The following UBE2E2 variants were observed in gnomAD, a reference collection of about 807,000 sequenced individuals.
UBE2E2 encodes the protein ubiquitin-conjugating enzyme E2 E2.
UBE2E2 carries 6 observed loss-of-function variants against 24.7 expected under a neutral mutation model. The observed-to-expected ratio is 0.24, with a 90% CI of 0.13 to 0.48. The LOEUF (loss-of-function observed/expected upper bound fraction) is 0.48. UBE2E2 is among the 20% of genes least tolerant of loss of function. The probability of loss-of-function intolerance (pLI) is 0.99; values close to 1 mark genes in which losing one functional copy is unlikely to be tolerated. For synonymous variants in UBE2E2, 104 were observed against 83.6 expected (o/e 1.24, Z -1.33); for missense variants, 169 against 245.0 (o/e 0.69, Z 2.07).
At chr3:23,351,886 A>G (rs905945499) in intron 3 of UBE2E2, among the ~76,000 whole-genome samples, 3 of 152,202 alleles carry the variant, frequency 2.0e-5, no homozygotes, top group Admixed American at 1.3e-4. Flanking sequence ...AAGCGACCTA[A>G]TAGACATCTA....
At chr3:23,432,717 T>C (rs1413304165) in intron 3 of UBE2E2, among the ~76,000 whole-genome samples, 1 of 152,030 alleles carries the variant, frequency 6.6e-6, no homozygotes, top group African/African-American at 2.4e-5. Flanking sequence ...ATTGAACTTT[T>C]GAAAGAACTT....
chr3:23,331,397 G>A (rs1425111068), intron 3 of UBE2E2, among the ~76,000 whole-genome samples: 2 of 150,938 alleles, frequency 1.3e-5, no homozygotes, highest in Non-Finnish European at 1.5e-5. Flanking sequence ...AGTGGAGGAA[G>A]AAGAAAATGA....
intron 3 of UBE2E2, among the ~76,000 whole-genome samples, chr3:23,389,181 TAAA>T (rs754553602): frequency 1.7e-4 from 26 of 152,102 alleles, no homozygotes; most frequent in Non-Finnish European, 2.9e-4. Flanking sequence ...TTGTCATAAA[TAAA>T]AAGAGTATCA....
chr3:23,563,913 T>G (rs1325455334), intron 5 of UBE2E2, among the ~76,000 whole-genome samples: 1 of 151,772 alleles, frequency 6.6e-6, no homozygotes, highest in Non-Finnish European at 1.5e-5. Context: ...TCCTGTTACC[T>G]CTGACAAGAT....
At chr3:23,278,968 A>G (rs1698428382) in intron 3 of UBE2E2, among the ~76,000 whole-genome samples, 1 of 152,152 alleles carries the variant, frequency 6.6e-6, no homozygotes, top group Admixed American at 6.5e-5. Context: ...TGATAATTTT[A>G]AAAGGATACT....
At chr3:23,285,230 A>G (rs1575531729) in intron 3 of UBE2E2, among the ~76,000 whole-genome samples, 1 of 152,154 alleles carries the variant, frequency 6.6e-6, no homozygotes, top group Non-Finnish European at 1.5e-5. Context: ...TTTATGGCTG[A>G]ATAGTATTCC....
At chr3:23,233,619 G>T (rs1697026148) in intron 3 of UBE2E2, among the ~76,000 whole-genome samples, 1 of 152,092 alleles carries the variant, frequency 6.6e-6, no homozygotes, top group Admixed American at 6.6e-5. Flanking sequence ...ACATGGCTTG[G>T]ATGATCTCCA....
At chr3:23,321,873 A>G (rs1035885473) in intron 3 of UBE2E2, among the ~76,000 whole-genome samples, 2 of 151,814 alleles carry the variant, frequency 1.3e-5, no homozygotes, top group Non-Finnish European at 1.5e-5. Flanking sequence ...ACCGTTTTTA[A>G]AAGCACCACC....
intron 5 of UBE2E2, among the ~76,000 whole-genome samples, chr3:23,577,399 C>A (rs1326727324): frequency 6.6e-6 from 1 of 151,532 alleles, no homozygotes; most frequent in African/African-American, 2.4e-5. Context: ...ACAGTCAGAC[C>A]AGCTACAACA....
intron 3 of UBE2E2, among the ~76,000 whole-genome samples, chr3:23,243,716 A>G (rs1248783881): frequency 6.6e-6 from 1 of 151,608 alleles, no homozygotes; most frequent in Non-Finnish European, 1.5e-5. Context: ...GTATTTTAAA[A>G]ATCTGAAATC....
intron 3 of UBE2E2, among the ~76,000 whole-genome samples, chr3:23,401,130 T>C (rs1697212249): frequency 6.6e-6 from 1 of 152,154 alleles, no homozygotes; most frequent in African/African-American, 2.4e-5. Context: ...TTACTGTCTC[T>C]GGGAAGAACA....
chr3:23,589,857 G>A lies in UBE2E2; in HGVS notation c.*26G>A, dbSNP rs1319071589. The stretch of plus-strand genomic sequence containing the variant: ...GGGCCTGCTGCCTGCCGCCCCGCGG[G>A]ACCTGTGCAAGCACATTCACCAAGT... On this transcript the variant is annotated 3_prime_UTR_variant, in exon 6 of 6. Transcript: ENST00000396703. The surrounding 1 kb of genome is among the most constrained non-coding windows in gnomAD (Gnocchi z 4.1). The A allele has an allele frequency of 3.1e-6, 5 of 1,612,510 alleles. No individual in the cohort carries two copies. The highest frequency in any genetic ancestry group is 1.3e-5 in the African/African-American group (1 of 74,914).
At chr3:23,330,408 G>A (rs4858502) in intron 3 of UBE2E2, among the ~76,000 whole-genome samples, 46,409 of 152,100 alleles carry the variant, frequency 0.31, 8,000 homozygotes, top group Admixed American at 0.49. Flanking sequence ...AGTAAACTTA[G>A]TCTACGTTGC....
chr3:23,412,708 T>C lies in UBE2E2; in HGVS notation c.228-86900T>C, dbSNP rs138306218. ...CCTTTATTCAAGTACACTGACAACA[T>C]ACTTTAGTGCAGTGGTTCTCAAGGT... On this transcript the variant is annotated intron_variant, in intron 3 of 5. Coordinates refer to ENST00000396703, the MANE Select transcript of UBE2E2 (RefSeq NM_152653.4). 1.8e-4 allele frequency among the ~76,000 whole-genome samples: 28 copies of C among 152,228 alleles called. 1 individual carries two copies. In the East Asian group the frequency reaches 4.7e-3, roughly 25 times the overall value.
At chr3:23,262,306 A>T (rs1697923360) in intron 3 of UBE2E2, among the ~76,000 whole-genome samples, 1 of 152,086 alleles carries the variant, frequency 6.6e-6, no homozygotes, top group Non-Finnish European at 1.5e-5. Flanking sequence ...TTAGAAACAG[A>T]GTCGTGGTCT....
intron 5 of UBE2E2, among the ~76,000 whole-genome samples, chr3:23,584,737 T>G (rs1039528844): frequency 9.5e-5 from 14 of 146,620 alleles, no homozygotes; most frequent in East Asian, 2.0e-4. Flanking sequence ...TTTTTTTTTT[T>G]TTTTTTTTTT....
chr3:23,484,404 G>C (rs756628971), intron 3 of UBE2E2, among the ~76,000 whole-genome samples: 2 of 152,062 alleles, frequency 1.3e-5, no homozygotes, highest in African/African-American at 2.4e-5. Context: ...GTACTACTGT[G>C]GTATAAGACA....
At chr3:23,264,086 T>C (rs1697976292) in intron 3 of UBE2E2, among the ~76,000 whole-genome samples, 1 of 152,156 alleles carries the variant, frequency 6.6e-6, no homozygotes, top group Non-Finnish European at 1.5e-5. Context: ...GGTACTACCA[T>C]TACCTATGTT....
intron 3 of UBE2E2, among the ~76,000 whole-genome samples, chr3:23,285,443 A>G (rs1698594713): frequency 6.6e-6 from 1 of 152,074 alleles, no homozygotes; most frequent in South Asian, 2.1e-4. Context: ...TTTTTGAGCA[A>G]CCTCCAAACT....
Sources: allele counts gnomAD v4.1 joint callset (sites outside exome capture counted in the v4.1 genomes callset), GRCh38; gene constraint gnomAD v4.1.1; non-coding constraint Gnocchi (gnomAD v3.1); transcripts MANE v1.5; gene names NCBI Gene and HGNC (gene_info 2026-07-23, HGNC 2026-07-21).